XYLT1: variants seen among roughly 807,000 people sequenced by gnomAD.
XYLT1 encodes the protein xylosyltransferase 1.
A neutral mutation model predicts 91.3 loss-of-function variants in XYLT1; 36 were observed. The observed-to-expected ratio is 0.39, with a 90% CI of 0.30 to 0.52. XYLT1 has a LOEUF of 0.52. Ranked by LOEUF, XYLT1 falls within the 20% of genes least tolerant of loss-of-function variation. XYLT1 has a pLI of 0.68. For missense variants in XYLT1, 1,242 were observed against 1,284.5 expected, an observed-to-expected ratio of 0.97 and a Z score of 0.51; for synonymous variants, 588 against 532.0, an observed-to-expected ratio of 1.11 and a Z score of -1.45.
chr16:17,392,244 G>A (rs1449001990), intron 1 of XYLT1, among the ~76,000 whole-genome samples: 7 of 152,098 alleles, frequency 4.6e-5, no homozygotes, highest in African/African-American at 1.7e-4. Context: ...CTGTGCTCCA[G>A]CACCGATGGC....
chr16:17,353,713 A>G (rs7499300), intron 2 of XYLT1, among the ~76,000 whole-genome samples: 31,981 of 103,108 alleles, frequency 0.31, 3,634 homozygotes, highest in Middle Eastern at 0.38. Context: ...GGCACTGTCT[A>G]TCTGTCCGTC....
At chr16:17,333,226 A>T (rs2034927425) in intron 2 of XYLT1, among the ~76,000 whole-genome samples, 1 of 152,256 alleles carries the variant, frequency 6.6e-6, no homozygotes, top group Non-Finnish European at 1.5e-5. Context: ...TTTTTAAAAA[A>T]GTAAAAAGAA....
chr16:17,280,729 T>C (rs2034044088), intron 2 of XYLT1, among the ~76,000 whole-genome samples: 2 of 152,234 alleles, frequency 1.3e-5, no homozygotes, highest in Non-Finnish European at 2.9e-5. Flanking sequence ...ATGTATAGTG[T>C]TATTTTGTGT....
chr16:17,339,686 G>T lies in XYLT1; in HGVS notation c.402+18326C>A, dbSNP rs147827250. On this transcript the variant is annotated intron_variant, in intron 2 of 11. Transcript: ENST00000261381. ...AACACAGAGAAGGTGACACTATCCT[G>T]CTGTAGACAGTGAGCTCACTGGTGG... is the stretch of plus-strand genomic sequence containing the variant. Among the ~76,000 whole-genome samples the T allele has an allele frequency of 5.3e-5, 8 of 152,292 alleles. No individual in the cohort carries two copies. In the East Asian group the frequency reaches 1.4e-3, roughly 26 times the overall value.
chr16:17,222,233 A>G (rs905940157), intron 3 of XYLT1, among the ~76,000 whole-genome samples: 1 of 152,192 alleles, frequency 6.6e-6, no homozygotes, highest in Non-Finnish European at 1.5e-5. Context: ...GTTATGCCCT[A>G]AGCCAGCACT....
intron 2 of XYLT1, among the ~76,000 whole-genome samples, chr16:17,317,629 C>CAAA (rs35666149): frequency 1.2e-4 from 7 of 58,004 alleles, no homozygotes; most frequent in Admixed American, 2.6e-4. Flanking sequence ...GACGCTGTCT[C>CAAA]AAAAAAAAAA....
At chr16:17,166,408 T>C (rs2141551064) in intron 5 of XYLT1, among the ~76,000 whole-genome samples, 1 of 152,282 alleles carries the variant, frequency 6.6e-6, no homozygotes, top group Non-Finnish European at 1.5e-5. Flanking sequence ...TATTCACTGC[T>C]TAATGCAAGC....
chr16:17,120,069 C>T (rs966841042), intron 10 of XYLT1, among the ~76,000 whole-genome samples: 1 of 152,180 alleles, frequency 6.6e-6, no homozygotes, highest in South Asian at 2.1e-4. Context: ...CCCTCCCAGA[C>T]TTATGAAATC....
chr16:17,123,965 T>G (rs2030167457), intron 10 of XYLT1, among the ~76,000 whole-genome samples: 1 of 152,224 alleles, frequency 6.6e-6, no homozygotes, highest in South Asian at 2.1e-4. Context: ...CTGCTCACTT[T>G]TGGTGTCCAT....
At chr16:17,165,302 A>AT (rs1246974774) in intron 5 of XYLT1, among the ~76,000 whole-genome samples, 1 of 152,196 alleles carries the variant, frequency 6.6e-6, no homozygotes, top group East Asian at 1.9e-4. Context: ...ATATACATGG[A>AT]TTTTTGTGTA....
At chr16:17,406,034 A>C (rs2036029062) in intron 1 of XYLT1, among the ~76,000 whole-genome samples, 1 of 151,952 alleles carries the variant, frequency 6.6e-6, no homozygotes, top group Admixed American at 6.6e-5. Flanking sequence ...AAAATACAAA[A>C]ATTAGCCAGG....
intron 2 of XYLT1, among the ~76,000 whole-genome samples, chr16:17,292,964 A>T (rs1413173678): frequency 6.6e-6 from 1 of 152,186 alleles, no homozygotes; most frequent in Non-Finnish European, 1.5e-5. Flanking sequence ...ACTCTGGCAC[A>T]TGCTGGGCAG....
chr16:17,468,498 C>T (rs554366120), intron 1 of XYLT1, among the ~76,000 whole-genome samples: 98 of 152,306 alleles, frequency 6.4e-4, no homozygotes, highest in African/African-American at 1.9e-3. Flanking sequence ...ACCTCCGCTG[C>T]TGGAACTGCA....
intron 3 of XYLT1, among the ~76,000 whole-genome samples, chr16:17,232,599 G>A (rs966895308): frequency 6.6e-6 from 1 of 151,738 alleles, no homozygotes; most frequent in Non-Finnish European, 1.5e-5. Context: ...AGTGATGGTG[G>A]TGGAGGTGAT....
intron 3 of XYLT1, among the ~76,000 whole-genome samples, chr16:17,205,224 A>C (rs991862625): frequency 1.3e-5 from 2 of 152,200 alleles, no homozygotes; most frequent in African/African-American, 4.8e-5. Flanking sequence ...TGTTACTCAA[A>C]TTCCCTATTT....
Position 17,312,507 on chromosome 16 carries a change from G to C in XYLT1, c.402+45505C>G, listed in dbSNP as rs926704451. 2.6e-5 allele frequency among the ~76,000 whole-genome samples: 4 copies of C among 152,202 alleles called. No homozygotes were observed. Among genetic ancestry groups the C allele is most frequent in the Non-Finnish European group, 5.9e-5 (4 of 68,040 alleles). On this transcript the variant is annotated intron_variant, in intron 2 of 11. Coordinates refer to ENST00000261381, the MANE Select transcript of XYLT1 (RefSeq NM_022166.4). This position sits in a 1 kb window ranked among gnomAD's most constrained non-coding sequence, Gnocchi z 4.4. ...TTATAGACTCACAGGAGGTTGCCAA[G>C]ATAGCAGAGTTCTGCACTCCCTCAC... is the stretch of plus-strand genomic sequence containing the variant.
intron 1 of XYLT1, among the ~76,000 whole-genome samples, chr16:17,451,709 C>A (rs1357059488): frequency 1.3e-5 from 2 of 152,140 alleles, no homozygotes; most frequent in East Asian, 3.9e-4. Flanking sequence ...TTCCCATTTC[C>A]GCTGTGGAGT....
intron 11 of XYLT1, among the ~76,000 whole-genome samples, chr16:17,113,475 C>T (rs1231174226): frequency 6.6e-6 from 1 of 152,188 alleles, no homozygotes; most frequent in African/African-American, 2.4e-5. Context: ...GTTCTTGGCT[C>T]AGAACTCCTG....
chr16:17,225,627 C>T (rs2033049938), intron 3 of XYLT1, among the ~76,000 whole-genome samples: 1 of 151,882 alleles, frequency 6.6e-6, no homozygotes, highest in South Asian at 2.1e-4. Flanking sequence ...ACCCAATTTT[C>T]TTTTAGTATA....
Sources: gnomAD v4.1 joint callset for allele counts (sites outside exome capture counted in the v4.1 genomes callset) on GRCh38, gnomAD v4.1.1 for gene constraint, Gnocchi (gnomAD v3.1) non-coding constraint, MANE v1.5 for transcripts, NCBI Gene and HGNC (gene_info 2026-07-23, HGNC 2026-07-21) for gene names.